The following AUTS2 variants were observed in gnomAD, a reference collection of about 807,000 sequenced individuals.
The protein encoded by AUTS2 is autism susceptibility gene 2 protein.
AUTS2 carries 17 observed loss-of-function variants against 112.4 expected under a neutral mutation model. That is an observed-to-expected ratio of 0.15 (90% CI 0.10 to 0.23). AUTS2 has a LOEUF of 0.23. Ranked by LOEUF, AUTS2 falls within the 10% of genes least tolerant of loss-of-function variation. The pLI, the probability that AUTS2 is intolerant of heterozygous loss-of-function variation, is 1.00. For missense variants in AUTS2, 1,510 were observed against 1,701.6 expected (o/e 0.89, Z 1.98); for synonymous variants, 751 against 702.7 (o/e 1.07, Z -1.09).
intron 5 of AUTS2, among the ~76,000 whole-genome samples, chr7:70,677,074 T>G (rs1807952108): frequency 6.6e-6 from 1 of 152,194 alleles, no homozygotes; most frequent in African/African-American, 2.4e-5. Flanking sequence ...GCGATCCACC[T>G]GTCTTTTCTC....
chr7:70,510,458 A>G (rs1035446427), intron 5 of AUTS2, among the ~76,000 whole-genome samples: 1 of 152,226 alleles, frequency 6.6e-6, no homozygotes, highest in Admixed American at 6.5e-5. Context: ...CCAGTAACAC[A>G]GTGGTTCTCA....
intron 5 of AUTS2, among the ~76,000 whole-genome samples, chr7:70,657,775 T>C (rs148102429): frequency 5.9e-5 from 9 of 152,294 alleles, no homozygotes; most frequent in Non-Finnish European, 1.3e-4. Flanking sequence ...GCTTAGTTGG[T>C]ATTCAAGTCA....
chr7:70,523,423 G>A (rs1037260102), intron 5 of AUTS2, among the ~76,000 whole-genome samples: 3 of 152,226 alleles, frequency 2.0e-5, no homozygotes, highest in Non-Finnish European at 4.4e-5. Flanking sequence ...TGTATTCTCT[G>A]TTCCTGGTCC....
At chr7:70,171,907 G>GC (rs1277766953) in intron 4 of AUTS2, among the ~76,000 whole-genome samples, 4 of 150,380 alleles carry the variant, frequency 2.7e-5, no homozygotes, top group East Asian at 2.0e-4. Flanking sequence ...TTTTTTTTTG[G>GC]GGGGGGGTAG....
intron 5 of AUTS2, among the ~76,000 whole-genome samples, chr7:70,489,646 C>G (rs572247269): frequency 1.3e-5 from 2 of 152,322 alleles, no homozygotes; most frequent in South Asian, 4.1e-4. Context: ...AGGACATCAT[C>G]AACACATTTG....
At chr7:70,460,462 G>A (rs1364551835) in intron 5 of AUTS2, among the ~76,000 whole-genome samples, 1 of 149,282 alleles carries the variant, frequency 6.7e-6, no homozygotes, top group Non-Finnish European at 1.5e-5. Flanking sequence ...GTGATTCTCC[G>A]GCCTCAGCCT....
chr7:69,768,065 T>G (rs1788505220), intron 1 of AUTS2, among the ~76,000 whole-genome samples: 1 of 152,204 alleles, frequency 6.6e-6, no homozygotes, highest in South Asian at 2.1e-4. Context: ...CTGTCTACCT[T>G]AGAACCTTCT....
At chr7:70,468,831 A>G (rs748052090) in intron 5 of AUTS2, among the ~76,000 whole-genome samples, 12 of 152,056 alleles carry the variant, frequency 7.9e-5, no homozygotes, top group Non-Finnish European at 1.3e-4. Context: ...TGGAAAGGGC[A>G]GTCTTACTCC....
chr7:69,732,159 G>A (rs996782545), intron 1 of AUTS2, among the ~76,000 whole-genome samples: 6 of 152,060 alleles, frequency 3.9e-5, no homozygotes, highest in African/African-American at 1.4e-4. Context: ...TAGTTGTCAT[G>A]CTGGGTGCTG....
chr7:69,816,233 C>G (rs1467085104), intron 1 of AUTS2, among the ~76,000 whole-genome samples: 1 of 152,204 alleles, frequency 6.6e-6, no homozygotes, highest in Admixed American at 6.5e-5. Context: ...GCTTTATTTC[C>G]TGATGATTTC....
intron 1 of AUTS2, among the ~76,000 whole-genome samples, chr7:69,669,057 A>G (rs989222064): frequency 2.0e-5 from 3 of 152,182 alleles, no homozygotes; most frequent in Non-Finnish European, 2.9e-5. Context: ...TGTGGTTGCA[A>G]TGGTGTTCAT....
chr7:70,500,636 G>A lies in AUTS2; in HGVS notation c.690+64855G>A, dbSNP rs182184975. 5.1e-3 allele frequency among the ~76,000 whole-genome samples: 771 copies of A among 152,146 alleles called. 2 individuals are homozygous for A. The highest frequency in any genetic ancestry group is 9.2e-3 in the Non-Finnish European group (624 of 67,992). On this transcript the variant is annotated intron_variant, in intron 5 of 18. Coordinates refer to ENST00000342771, the MANE Select transcript of AUTS2 (RefSeq NM_015570.4). ...TTCTACCACGCCTTTCATTTCTCCC[G>A]CTTCAGCCAGTAAGTTCAAGTGCTT... is the stretch of plus-strand genomic sequence containing the variant.
At chr7:70,238,946 G>T (rs756865700) in intron 4 of AUTS2, among the ~76,000 whole-genome samples, 3 of 152,142 alleles carry the variant, frequency 2.0e-5, no homozygotes, top group Non-Finnish European at 2.9e-5. Context: ...CCCTAATTAA[G>T]TATTTGCTTT....
At position 70,576,923 on chromosome 7, in the gene AUTS2, C is replaced by T. The variant is rs566304425; in HGVS notation, c.691-121646C>T. ...AACATTTCATAGATCCCTTGGAACA[C>T]AGTTTGGGAAATGCTACTCCAGAGG... On this transcript the variant is annotated intron_variant, in intron 5 of 18. Transcript: ENST00000342771. Among the ~76,000 whole-genome samples, 249 of 152,264 alleles carry T rather than the reference C, an allele frequency of 1.6e-3. 2 individuals carry two copies. Among genetic ancestry groups the T allele is most frequent in the Non-Finnish European group, 2.4e-3 (164 of 68,028 alleles).
chr7:69,647,068 A>G (rs1405781397), intron 1 of AUTS2, among the ~76,000 whole-genome samples: 1 of 152,232 alleles, frequency 6.6e-6, no homozygotes, highest in South Asian at 2.1e-4. Context: ...AGCCTGGGCG[A>G]TAGAGCGAGA....
chr7:69,963,825 A>G (rs944130310), intron 2 of AUTS2, among the ~76,000 whole-genome samples: 6 of 152,240 alleles, frequency 3.9e-5, no homozygotes, highest in South Asian at 2.1e-4. Context: ...TCAGTCTTCA[A>G]AGCTCTTACA....
chr7:70,773,127 G>A (rs1390532047), intron 11 of AUTS2, among the ~76,000 whole-genome samples: 1 of 152,166 alleles, frequency 6.6e-6, no homozygotes. Flanking sequence ...CAGCTTAATT[G>A]TTAGTTGTAC....
chr7:69,714,249 A>ATG (rs200192496), intron 1 of AUTS2, among the ~76,000 whole-genome samples: 10,454 of 92,464 alleles, frequency 0.11, 375 homozygotes, highest in Middle Eastern at 0.21. Flanking sequence ...GTGTGTGTAT[A>ATG]TGTGTGTGTG....
At chr7:70,260,225 G>A (rs1787094963) in intron 4 of AUTS2, among the ~76,000 whole-genome samples, 1 of 151,828 alleles carries the variant, frequency 6.6e-6, no homozygotes, top group African/African-American at 2.4e-5. Context: ...AATTAGCCAG[G>A]CGTGGTGTTG....
Sources: gnomAD v4.1 joint callset for allele counts (sites outside exome capture counted in the v4.1 genomes callset) on GRCh38, gnomAD v4.1.1 for gene constraint, MANE v1.5 for transcripts, NCBI Gene and HGNC (gene_info 2026-07-23, HGNC 2026-07-21) for gene names.